Variants in RNFT2 observed in about 807,000 individuals in gnomAD.
RNFT2 encodes E3 ubiquitin-protein ligase RNFT2.
Under a neutral mutation model 53.0 loss-of-function variants are expected in RNFT2, and 36 were observed. The ratio of observed to expected loss-of-function variants is 0.68; its 90% CI spans 0.52 to 0.90. The LOEUF (loss-of-function observed/expected upper bound fraction) is 0.90. RNFT2 is among the 40% of genes least tolerant of loss of function. The probability of loss-of-function intolerance (pLI) is 0.00; values close to 1 mark genes in which losing one functional copy is unlikely to be tolerated. For missense variants in RNFT2, 514 were observed against 585.6 expected (o/e 0.88, Z 1.26); for synonymous variants, 260 against 253.2 (o/e 1.03, Z -0.26).
chr12:116,794,231 C>T (rs1236168167), intron 7 of RNFT2, among the ~76,000 whole-genome samples: 1 of 151,848 alleles, frequency 6.6e-6, no homozygotes, highest in Non-Finnish European at 1.5e-5. Context: ...GGCCACTGTA[C>T]TTCAGCCTGA....
intron 7 of RNFT2, among the ~76,000 whole-genome samples, chr12:116,826,605 A>G (rs1876351390): frequency 6.6e-6 from 1 of 152,190 alleles, no homozygotes; most frequent in Admixed American, 6.5e-5. Context: ...CCGGCAGCTA[A>G]TTGCTACCTT....
At chr12:116,784,286 C>CTG (rs1476900400) in intron 7 of RNFT2, among the ~76,000 whole-genome samples, 4 of 152,216 alleles carry the variant, frequency 2.6e-5, no homozygotes, top group Admixed American at 1.3e-4. Context: ...CTGTGGTAGG[C>CTG]AGCATCCGCC....
intron 10 of RNFT2, among the ~76,000 whole-genome samples, chr12:116,845,199 G>A (rs1226477008): frequency 1.4e-5 from 2 of 141,634 alleles, no homozygotes; most frequent in Non-Finnish European, 3.0e-5. Flanking sequence ...AGCTGTGATC[G>A]CACCACTGCA....
intron 6 of RNFT2, among the ~76,000 whole-genome samples, chr12:116,770,832 G>A (rs1873141340): frequency 6.6e-6 from 1 of 152,008 alleles, no homozygotes; most frequent in South Asian, 2.1e-4. Context: ...TGGCTCACAG[G>A]TGTGAGCCAT....
rs76889522 is a variant in RNFT2 at position 116,817,843 on chromosome 12, T to C, written c.883-15949T>C. Among the ~76,000 whole-genome samples the C allele has an allele frequency of 1.7e-3, 257 of 152,336 alleles. 1 individual carries two copies. Among genetic ancestry groups the C allele is most frequent in the African/African-American group, 6.0e-3 (248 of 41,580 alleles). On this transcript the variant is annotated intron_variant, in intron 7 of 10. Coordinates refer to ENST00000257575, the MANE Select transcript of RNFT2 (RefSeq NM_001382266.1). Reference sequence around the variant, plus strand: ...CCAAAAATATTTCAGTGTCATATTATGACAGGCACTGCGAAGGTGTTGGGG... The same window carrying C: ...CCAAAAATATTTCAGTGTCATATTACGACAGGCACTGCGAAGGTGTTGGGG...
At chr12:116,799,664 G>T (rs529477392) in intron 7 of RNFT2, among the ~76,000 whole-genome samples, 1 of 152,164 alleles carries the variant, frequency 6.6e-6, no homozygotes, top group Non-Finnish European at 1.5e-5. Context: ...AGCTGGGCAC[G>T]ATGGCTCATG....
At chr12:116,789,157 A>G in intron 7 of RNFT2, among the ~76,000 whole-genome samples, 1 of 139,884 alleles carries the variant, frequency 7.1e-6, no homozygotes, top group Non-Finnish European at 1.5e-5. Context: ...GAGTGAGTAG[A>G]TGGATAGATG....
Position 116,849,475 on chromosome 12 carries a change from G to T in RNFT2, c.*27G>T. On this transcript the variant is annotated 3_prime_UTR_variant, in exon 11 of 11. Coordinates refer to ENST00000257575, the MANE Select transcript of RNFT2 (RefSeq NM_001382266.1). ...ACCGAACACTGAGGACACCCAGAAGGACGCCAAGGGTCAGCATGCCCGGAC... is the reference window on the plus strand; with the variant it reads ...ACCGAACACTGAGGACACCCAGAAGTACGCCAAGGGTCAGCATGCCCGGAC... 2.6e-6 allele frequency: 4 copies of T among 1,563,974 alleles called. No homozygotes were observed. Among genetic ancestry groups the T allele is most frequent in the Non-Finnish European group, 3.5e-6 (4 of 1,152,224 alleles).
At chr12:116,845,162 C>G (rs1304202045) in intron 10 of RNFT2, among the ~76,000 whole-genome samples, 1 of 150,082 alleles carries the variant, frequency 6.7e-6, no homozygotes, top group East Asian at 2.0e-4. Context: ...GAGGGTCACT[C>G]AAGCCCAGGA....
Position 116,841,793 on chromosome 12 carries a change from A to AT in RNFT2, c.1200+5511_1200+5512insT, listed in dbSNP as rs1491454105. ...TATATATATATAAATATATATATAT[A>AT]AATATATATATAAATATATATATAA... On this transcript the variant is annotated intron_variant, in intron 10 of 10. Transcript: ENST00000257575. 7.7e-5 allele frequency among the ~76,000 whole-genome samples: 7 copies of AT among 90,580 alleles called. 1 individual carries two copies. The highest frequency in any genetic ancestry group is 3.3e-4 in the African/African-American group (6 of 18,246). 59.4% of individuals were successfully genotyped at this position (90,580 alleles called of 152,430 possible).
intron 6 of RNFT2, among the ~76,000 whole-genome samples, chr12:116,773,613 G>A (rs1313714508): frequency 6.6e-6 from 1 of 152,192 alleles, no homozygotes; most frequent in Non-Finnish European, 1.5e-5. Context: ...TGCTTTCCCT[G>A]AGGATGGCAG....
intron 7 of RNFT2, among the ~76,000 whole-genome samples, chr12:116,820,123 C>G (rs1376605639): frequency 6.6e-6 from 1 of 152,180 alleles, no homozygotes; most frequent in Non-Finnish European, 1.5e-5. Context: ...GACAGTCTTA[C>G]TGTGTCTCCC....
chr12:116,746,716 C>T (rs1200500000), intron 3 of RNFT2, among the ~76,000 whole-genome samples: 1 of 152,180 alleles, frequency 6.6e-6, no homozygotes, highest in Non-Finnish European at 1.5e-5. Flanking sequence ...CTTCATCTCT[C>T]TGAGCCTCAG....
intron 3 of RNFT2, among the ~76,000 whole-genome samples, chr12:116,747,202 G>A (rs1871942143): frequency 6.6e-6 from 1 of 152,136 alleles, no homozygotes; most frequent in Non-Finnish European, 1.5e-5. Flanking sequence ...GACTACAGGT[G>A]CGTGCCACCA....
intron 1 of RNFT2, 98 bp from the exon 2 acceptor site, chr12:116,740,247 G>A: frequency 2.3e-6 from 1 of 440,552 alleles, no homozygotes; most frequent in Non-Finnish European, 4.2e-6. Flanking sequence ...CTGAGCAGAT[G>A]GAATCATCTG....
intron 1 of RNFT2, among the ~76,000 whole-genome samples, chr12:116,739,586 G>C (rs1337989445): frequency 6.6e-6 from 1 of 152,248 alleles, no homozygotes; most frequent in East Asian, 1.9e-4. Flanking sequence ...CATTTGCCCT[G>C]CGGGACCAAG....
intron 7 of RNFT2, among the ~76,000 whole-genome samples, chr12:116,811,734 A>T (rs1875390123): frequency 6.6e-6 from 1 of 151,876 alleles, no homozygotes; most frequent in African/African-American, 2.4e-5. Context: ...CACCCTCATG[A>T]CCCTCGTGGA....
Position 116,851,897 on chromosome 12 carries a change from C to A in RNFT2, c.*2449C>A. On this transcript the variant is annotated 3_prime_UTR_variant, in exon 11 of 11. Transcript: ENST00000257575. ...ATTCTGTCATCTCCCTCACTTAAGT[C>A]TCAGGCCTGTCAGCAGCTCCTGTGG... The A allele has an allele frequency of 1.4e-5, 21 of 1,536,404 alleles. No homozygotes were observed. Among genetic ancestry groups the A allele is most frequent in the Non-Finnish European group, 1.8e-5 (21 of 1,146,856 alleles).
chr12:116,838,292 G>C (rs746055487), intron 10 of RNFT2, among the ~76,000 whole-genome samples: 3 of 152,210 alleles, frequency 2.0e-5, no homozygotes, highest in Non-Finnish European at 4.4e-5. Flanking sequence ...GTTGATTAAA[G>C]GTTAATTCAA....
Sources: allele counts gnomAD v4.1 joint callset (sites outside exome capture counted in the v4.1 genomes callset), GRCh38; gene constraint gnomAD v4.1.1; transcripts MANE v1.5; gene names NCBI Gene and HGNC (gene_info 2026-07-23, HGNC 2026-07-21).